Variants in GAP43 observed in about 807,000 individuals in gnomAD.
GAP43 encodes the protein growth associated protein 43.
Under a neutral mutation model 18.6 loss-of-function variants are expected in GAP43, and 6 were observed. The observed-to-expected ratio is 0.32, with a 90% confidence interval of 0.18 to 0.64. The LOEUF is 0.64. GAP43 is among the 30% of genes least tolerant of loss of function. The pLI, the probability that GAP43 is intolerant of heterozygous loss-of-function variation, is 0.78. For synonymous variants in GAP43, 115 were observed against 111.4 expected, an observed-to-expected ratio of 1.03 and a Z score of -0.20; for missense variants, 292 against 295.5, an observed-to-expected ratio of 0.99 and a Z score of 0.09.
intron 2 of GAP43, among the ~76,000 whole-genome samples, chr3:115,678,852 A>G (rs1464645605): frequency 2.0e-5 from 3 of 151,188 alleles, no homozygotes; most frequent in African/African-American, 7.3e-5. Flanking sequence ...TCTTGGTTAG[A>G]TTCAGAAATG....
chr3:115,702,651 C>T (rs1184858321), intron 2 of GAP43, among the ~76,000 whole-genome samples: 2 of 152,002 alleles, frequency 1.3e-5, no homozygotes, highest in Admixed American at 1.3e-4. Context: ...AAGGAGTAGA[C>T]AAGTTATAGG....
intron 1 of GAP43, among the ~76,000 whole-genome samples, chr3:115,671,864 A>G (rs893193111): frequency 2.6e-5 from 4 of 152,196 alleles, no homozygotes; most frequent in Non-Finnish European, 5.9e-5. Flanking sequence ...CCTTACTTGA[A>G]AAGAAGAGTG....
intron 2 of GAP43, among the ~76,000 whole-genome samples, chr3:115,709,862 T>TAC (rs1196370670): frequency 1.3e-5 from 2 of 151,620 alleles, no homozygotes; most frequent in East Asian, 1.9e-4. Flanking sequence ...TATATATATA[T>TAC]ATACACACAC....
At chr3:115,680,109 T>C (rs1453661383) in intron 2 of GAP43, among the ~76,000 whole-genome samples, 2 of 152,154 alleles carry the variant, frequency 1.3e-5, no homozygotes, top group African/African-American at 4.8e-5. Context: ...TCTTTTTCCC[T>C]TCCCTTTATA....
chr3:115,672,058 GC>G (rs1440454660), intron 1 of GAP43, among the ~76,000 whole-genome samples: 2 of 152,202 alleles, frequency 1.3e-5, no homozygotes, highest in Non-Finnish European at 2.9e-5. Flanking sequence ...CAACGAGAAT[GC>G]TGATGTGAAG....
At chr3:115,687,608 A>G (rs1709051082) in intron 2 of GAP43, among the ~76,000 whole-genome samples, 1 of 152,214 alleles carries the variant, frequency 6.6e-6, no homozygotes, top group Admixed American at 6.5e-5. Flanking sequence ...ATGGAGCAGC[A>G]TCTCAGCAGT....
chr3:115,651,176 C>T (rs1005810288), intron 1 of GAP43, among the ~76,000 whole-genome samples: 1 of 152,098 alleles, frequency 6.6e-6, no homozygotes, highest in Non-Finnish European at 1.5e-5. Context: ...TTCTGTCACA[C>T]TGAGAAACCT....
At chr3:115,706,250 A>G (rs1204249409) in intron 2 of GAP43, among the ~76,000 whole-genome samples, 1 of 152,190 alleles carries the variant, frequency 6.6e-6, no homozygotes, top group Non-Finnish European at 1.5e-5. Context: ...TATTAAAAAG[A>G]AGTCTTAGGG....
At chr3:115,663,811 C>G (rs754725718) in intron 1 of GAP43, 2 of 1,551,808 alleles carry the variant, frequency 1.3e-6, no homozygotes, top group East Asian at 4.9e-5. Context: ...TATGCCACCC[C>G]GCACTCCACT....
Position 115,644,881 on chromosome 3 carries a change from C to T in GAP43, c.30+21162C>T, listed in dbSNP as rs559149901. Among the ~76,000 whole-genome samples, 11 of 152,142 alleles carry T rather than the reference C, an allele frequency of 7.2e-5. No homozygotes were observed. The highest frequency in any genetic ancestry group is 3.9e-4 in the East Asian group (2 of 5,152). On this transcript the variant is annotated intron_variant, in intron 1 of 2. Transcript: ENST00000305124. The surrounding 1 kb of genome is among the most constrained non-coding windows in gnomAD (Gnocchi z 4.2). Reference sequence around the variant, plus strand: ...AGCTGGATCATCAGAGGTTTCATTTCGGATAGAAGTGAGGTCATAGCTCTG... The same window carrying T: ...AGCTGGATCATCAGAGGTTTCATTTTGGATAGAAGTGAGGTCATAGCTCTG...
In GAP43 at chr3:115,637,755, C is replaced by T. The variant is rs144240628; in HGVS notation, c.30+14036C>T. Among the ~76,000 whole-genome samples the T allele has an allele frequency of 3.9e-5, 6 of 151,968 alleles. No homozygotes were observed. The East Asian group carries it at 7.8e-4, about 20-fold the overall frequency. ...GTCTACTGGAAATATTTTGCTGACC[C>T]GCAGGAACCCCAATCTCAACAGGTC... On this transcript the variant is annotated intron_variant, in intron 1 of 2. Coordinates refer to ENST00000305124, the MANE Select transcript of GAP43 (RefSeq NM_002045.4).
At chr3:115,720,624 C>T (rs1264778459) in intron 2 of GAP43, among the ~76,000 whole-genome samples, 170 bp from the exon 3 acceptor site, 1 of 152,172 alleles carries the variant, frequency 6.6e-6, no homozygotes, top group Non-Finnish European at 1.5e-5. Context: ...GAGGTAAACT[C>T]TTCTGAACTT....
intron 2 of GAP43, among the ~76,000 whole-genome samples, chr3:115,712,179 CTG>C (rs1709448989): frequency 6.6e-6 from 1 of 152,126 alleles, no homozygotes; most frequent in Admixed American, 6.5e-5. Flanking sequence ...GAAAAAAACA[CTG>C]TCTTTTGTTC....
rs149594454 is a variant in GAP43, at chr3:115,636,282, T to A, written c.30+12563T>A. Among the ~76,000 whole-genome samples the A allele has an allele frequency of 1.5e-3, 236 of 152,262 alleles. 2 individuals are homozygous for A. The highest frequency in any genetic ancestry group is 6.8e-3 in the Middle Eastern group (2 of 294). On this transcript the variant is annotated intron_variant, in intron 1 of 2. Coordinates refer to ENST00000305124, the MANE Select transcript of GAP43 (RefSeq NM_002045.4). ...TGAGAGATCCCAGCACATTCTCAGT[T>A]TCCCAGCTCATAACAGAAATAATTG...
At chr3:115,709,979 AG>A (rs1709413538) in intron 2 of GAP43, among the ~76,000 whole-genome samples, 1 of 152,108 alleles carries the variant, frequency 6.6e-6, no homozygotes, top group Non-Finnish European at 1.5e-5. Context: ...CTTATTAGAC[AG>A]TTAGGTTCAA....
At chr3:115,636,627 A>G (rs1050024360) in intron 1 of GAP43, among the ~76,000 whole-genome samples, 1 of 152,138 alleles carries the variant, frequency 6.6e-6, no homozygotes, top group Non-Finnish European at 1.5e-5. Flanking sequence ...AATTCTCTAC[A>G]TATTGCCTGC....
chr3:115,698,114 T>TATTATATATTATATAA (rs1709231048), intron 2 of GAP43, among the ~76,000 whole-genome samples: 2 of 26,990 alleles, frequency 7.4e-5, no homozygotes, highest in Non-Finnish European at 1.7e-4. Context: ...ATAAAATATA[T>TATTATATATTATATAA]AATATATATT....
intron 2 of GAP43, among the ~76,000 whole-genome samples, chr3:115,683,139 G>GCACACACACA (rs1247509041): frequency 7.9e-6 from 1 of 126,146 alleles, no homozygotes; most frequent in Non-Finnish European, 1.7e-5. Context: ...GCGCGTGCGC[G>GCACACACACA]CGCGCGCGCA....
chr3:115,667,123 AT>A (rs1708743128), intron 1 of GAP43, among the ~76,000 whole-genome samples: 1 of 152,154 alleles, frequency 6.6e-6, no homozygotes, highest in African/African-American at 2.4e-5. Flanking sequence ...ACAACTAAAA[AT>A]AACATTTTTT....
Sources: allele counts gnomAD v4.1 joint callset (sites outside exome capture counted in the v4.1 genomes callset), GRCh38; gene constraint gnomAD v4.1.1; non-coding constraint Gnocchi (gnomAD v3.1); transcripts MANE v1.5; gene names NCBI Gene and HGNC (gene_info 2026-07-23, HGNC 2026-07-21).